HS3ST3A1: variants seen among roughly 807,000 people sequenced by gnomAD.
HS3ST3A1 encodes the protein heparan sulfate glucosamine 3-O-sulfotransferase 3A1.
HS3ST3A1 carries 19 observed loss-of-function variants against 25.7 expected under a neutral mutation model. That is an observed-to-expected ratio of 0.74 (90% CI 0.52 to 1.08). The LOEUF is 1.08. Ranked by LOEUF, HS3ST3A1 falls within the 50% of genes least tolerant of loss-of-function variation. The pLI, the probability that HS3ST3A1 is intolerant of heterozygous loss-of-function variation, is 0.00. For synonymous variants in HS3ST3A1, 226 were observed against 278.6 expected, an observed-to-expected ratio of 0.81 and a Z score of 1.88; for missense variants, 459 against 594.3, an observed-to-expected ratio of 0.77 and a Z score of 2.37.
rs1907498226 is a variant in HS3ST3A1 at position 13,560,289 on chromosome 17, C to CAAAAAAGAAAAAAA, written c.599+40241_599+40242insTTTTTTTCTTTTTT. Reference sequence around the variant, plus strand: ...TGGGCAACAGAGGGACACTCGTCTCCAAAAAAAAAAAAAAAAAAAAAAAAA... The same window carrying CAAAAAAGAAAAAAA: ...TGGGCAACAGAGGGACACTCGTCTCCAAAAAAGAAAAAAAAAAAAAAAAAAAAAAAAAAAAAAAA... On this transcript the variant is annotated intron_variant, in intron 1 of 1. Transcript: ENST00000284110. 1.0e-3 allele frequency among the ~76,000 whole-genome samples: 18 copies of CAAAAAAGAAAAAAA among 17,380 alleles called. 3 individuals carry two copies. The highest frequency in any genetic ancestry group is 1.8e-3 in the Non-Finnish European group (16 of 8,846). The allele number at this position is 17,380 out of a possible 152,430, so 11.4% of individuals were successfully genotyped here.
intron 1 of HS3ST3A1, among the ~76,000 whole-genome samples, chr17:13,577,431 T>C (rs183090013): frequency 6.6e-6 from 1 of 152,278 alleles, no homozygotes; most frequent in Non-Finnish European, 1.5e-5. Flanking sequence ...CCTTCCCCAC[T>C]GCCTTCCACT....
intron 1 of HS3ST3A1, among the ~76,000 whole-genome samples, chr17:13,540,600 C>T (rs183115120): frequency 1.3e-5 from 2 of 152,310 alleles, no homozygotes; most frequent in Admixed American, 6.5e-5. Flanking sequence ...TCTGCATTTA[C>T]GTTGGAAGAC....
At chr17:13,560,678 G>A (rs959889398) in intron 1 of HS3ST3A1, among the ~76,000 whole-genome samples, 9 of 152,144 alleles carry the variant, frequency 5.9e-5, no homozygotes, top group African/African-American at 2.2e-4. Flanking sequence ...TAAAAATCAT[G>A]AGTAAATATC....
At chr17:13,541,271 C>A (rs1906923274) in intron 1 of HS3ST3A1, among the ~76,000 whole-genome samples, 1 of 152,190 alleles carries the variant, frequency 6.6e-6, no homozygotes, top group Non-Finnish European at 1.5e-5. Flanking sequence ...TTAATTCTGA[C>A]CCAAGTGCCA....
chr17:13,556,839 G>T (rs1406508111), intron 1 of HS3ST3A1, among the ~76,000 whole-genome samples: 1 of 121,802 alleles, frequency 8.2e-6, no homozygotes, highest in Non-Finnish European at 1.6e-5. Flanking sequence ...GCGAAAGAGC[G>T]AAACTCCGCC....
chr17:13,561,061 G>A (rs1318689197), intron 1 of HS3ST3A1, among the ~76,000 whole-genome samples: 2 of 152,088 alleles, frequency 1.3e-5, no homozygotes, highest in Non-Finnish European at 2.9e-5. Context: ...TCCATTCCTC[G>A]ATGGATGTTA....
chr17:13,540,695 C>A (rs1906907242), intron 1 of HS3ST3A1, among the ~76,000 whole-genome samples: 1 of 152,196 alleles, frequency 6.6e-6, no homozygotes, highest in Non-Finnish European at 1.5e-5. Flanking sequence ...TCACACATTT[C>A]TGTGGTTCAT....
At chr17:13,591,162 T>A (rs1908414639) in intron 1 of HS3ST3A1, among the ~76,000 whole-genome samples, 1 of 150,358 alleles carries the variant, frequency 6.7e-6, no homozygotes, top group Non-Finnish European at 1.5e-5. Context: ...TCCTCTTACC[T>A]CAGCCTCCGG....
intron 1 of HS3ST3A1, among the ~76,000 whole-genome samples, chr17:13,507,496 G>C (rs1302097996): frequency 6.6e-6 from 1 of 152,146 alleles, no homozygotes; most frequent in Non-Finnish European, 1.5e-5. Flanking sequence ...GGCCATCTTT[G>C]ACATTCTGCC....
chr17:13,561,294 C>T (rs970967077), intron 1 of HS3ST3A1, among the ~76,000 whole-genome samples: 1 of 152,096 alleles, frequency 6.6e-6, no homozygotes. Flanking sequence ...AAGTCTCTTG[C>T]CTTAGGAAGT....
rs757051489 is a variant in HS3ST3A1 at position 13,601,026 on chromosome 17, G to A, written c.104C>T (p.Ser35Phe). The A allele has an allele frequency of 3.8e-6, 6 of 1,592,688 alleles. No homozygotes were observed. Among genetic ancestry groups the A allele is most frequent in the Non-Finnish European group, 5.1e-6 (6 of 1,169,842 alleles). Residue 35 changes from serine to phenylalanine, a missense_variant, in exon 1 of 2, where the codon TCC becomes TTC. Around this residue, in one of 3 missense-constraint regions of HS3ST3A1, gnomAD observed 346 missense variants for 303.9 expected, o/e 1.14. Coordinates refer to ENST00000284110, the MANE Select transcript of HS3ST3A1 (RefSeq NM_006042.3). ...GGCCAGGCAGTAGAAGACGTAAAGG[G>A]ACGTGAGCAGGGAGCAGAGCATCAG... The part of the protein sequence containing the change: ...FLLMLCSLLT[S>F]LYVFYCLAER...
chr17:13,535,115 T>C (rs1040978936), intron 1 of HS3ST3A1, among the ~76,000 whole-genome samples: 1 of 152,226 alleles, frequency 6.6e-6, no homozygotes, highest in African/African-American at 2.4e-5. Flanking sequence ...AGGGCTAGGT[T>C]CCTATGAGTT....
chr17:13,601,553 T>G lies in HS3ST3A1; in HGVS notation c.-424A>C. 2 of 164,636 alleles carry G rather than the reference T, an allele frequency of 1.2e-5. No homozygotes were observed. The highest frequency in any genetic ancestry group is 2.6e-5 in the Non-Finnish European group (2 of 76,998). The allele number at this position is 164,636 out of a possible 1,614,324, so 10.2% of individuals were successfully genotyped here. A position where few individuals can be genotyped will look rare whatever the true frequency, so the allele number is the denominator to read the frequency against. The stretch of plus-strand genomic sequence containing the variant: ...TCTCCGCTCAGCGATCCTGCATCAC[T>G]GGCTCGGTCCCCGTGAGGGCACGCG... On this transcript the variant is annotated 5_prime_UTR_variant, in exon 1 of 2. Transcript: ENST00000284110.
chr17:13,560,319 A>AAAAAAAAAAAAAAAT (rs1907502490), intron 1 of HS3ST3A1, among the ~76,000 whole-genome samples: 2 of 143,922 alleles, frequency 1.4e-5, no homozygotes, highest in African/African-American at 2.6e-5. Flanking sequence ...AAAAAAAAAA[A>AAAAAAAAAAAAAAAT]GTGTATTACC....
At chr17:13,575,771 A>G (rs1054107975) in intron 1 of HS3ST3A1, among the ~76,000 whole-genome samples, 30 of 152,262 alleles carry the variant, frequency 2.0e-4, no homozygotes, top group Admixed American at 1.9e-3. Flanking sequence ...CATTGTAAGT[A>G]TTAACTGTCG....
intron 1 of HS3ST3A1, among the ~76,000 whole-genome samples, chr17:13,534,850 A>G (rs1019318762): frequency 1.4e-4 from 21 of 152,008 alleles, no homozygotes; most frequent in African/African-American, 4.3e-4. Context: ...ACATGGAGAA[A>G]CCACGTCTCT....
intron 1 of HS3ST3A1, among the ~76,000 whole-genome samples, chr17:13,524,347 T>G (rs1906341809): frequency 6.6e-6 from 1 of 151,924 alleles, no homozygotes; most frequent in Admixed American, 6.6e-5. Flanking sequence ...AGCCTCAAGC[T>G]CCAGGGCTCA....
intron 1 of HS3ST3A1, among the ~76,000 whole-genome samples, chr17:13,499,238 T>G (rs1035268206): frequency 5.3e-5 from 8 of 152,160 alleles, no homozygotes; most frequent in African/African-American, 1.7e-4. Context: ...ATAGAACTCA[T>G]CCCTCTGTGA....
At position 13,601,290 on chromosome 17, in the gene HS3ST3A1, T is replaced by C; in HGVS notation, c.-161A>G. On this transcript the variant is annotated 5_prime_UTR_variant, in exon 1 of 2. Transcript: ENST00000284110. ...TGTCCCGGGAGGCAGCGGCCGGGGC[T>C]CCGCGGGGAAACGGAATCCCGGGGG... The C allele has an allele frequency of 1.8e-6, 1 of 542,792 alleles. No individual in the cohort carries two copies. Among genetic ancestry groups the C allele is most frequent in the Non-Finnish European group, 3.1e-6 (1 of 325,940 alleles). 33.6% of individuals were successfully genotyped at this position (542,792 alleles called of 1,614,324 possible).
Sources: gnomAD v4.1 joint callset for allele counts (sites outside exome capture counted in the v4.1 genomes callset) on GRCh38, gnomAD v4.1.1 for gene constraint, gnomAD v4.1.1 regional missense constraint, MANE v1.5 for transcripts, NCBI Gene and HGNC (gene_info 2026-07-23, HGNC 2026-07-21) for gene names.